The following ANKRD28 variants were observed in gnomAD, a reference collection of about 807,000 sequenced individuals.
ANKRD28 encodes serine/threonine-protein phosphatase 6 regulatory ankyrin repeat subunit A.
In ANKRD28, 44 loss-of-function variants were observed where a neutral mutation model predicts 126.5. The observed-to-expected ratio is 0.35, with a 90% CI of 0.27 to 0.45. The LOEUF is 0.45. Among genes scored for constraint, ANKRD28 ranks in the 20% least tolerant of loss-of-function variants. The pLI is 1.00. For synonymous variants in ANKRD28, 442 were observed against 468.5 expected (o/e 0.94, Z 0.73); for missense variants, 1,110 against 1,316.6 (o/e 0.84, Z 2.43).
intron 14 of ANKRD28, among the ~76,000 whole-genome samples, chr3:15,700,359 A>G (rs939865357): frequency 6.6e-6 from 1 of 152,102 alleles, no homozygotes; most frequent in Non-Finnish European, 1.5e-5. Context: ...AATGTAAATG[A>G]TGAGTTGATG....
At position 15,830,368 on chromosome 3, in the gene ANKRD28, G is replaced by A. The variant is rs1277427580; in HGVS notation, c.27+29009C>T. Among the ~76,000 whole-genome samples the A allele has an allele frequency of 6.6e-6, 1 of 152,120 alleles. No homozygotes were observed. The highest frequency in any genetic ancestry group is 1.5e-5 in the Non-Finnish European group (1 of 68,008). ...TTCATGGCCTGTCAGAAACTGGGCT[G>A]GATAGCAGGAGGTGAGCAGCGGGCA... is the stretch of plus-strand genomic sequence containing the variant. On this transcript the variant is annotated intron_variant, in intron 1 of 27. Transcript: ENST00000399451. The surrounding 1 kb of genome is among the most constrained non-coding windows in gnomAD (Gnocchi z 4.5).
intron 1 of ANKRD28, among the ~76,000 whole-genome samples, chr3:15,827,385 G>GA (rs971868069): frequency 2.0e-5 from 3 of 151,642 alleles, no homozygotes; most frequent in Non-Finnish European, 2.9e-5. Flanking sequence ...ATCAATAAAT[G>GA]AAAAAAAAGT....
chr3:15,798,211 ACGGC>A (rs2060364805), upstream of ANKRD28: 1 of 974,324 alleles, frequency 1.0e-6, no homozygotes, highest in African/African-American at 1.8e-5. Flanking sequence ...ACAATTCCAA[ACGGC>A]TTAACTGCTT....
rs1176430902 is a variant in ANKRD28, at chr3:15,814,652, CACAAACTTTTCAA to C, written c.28-19359_28-19347del. 6.6e-6 allele frequency among the ~76,000 whole-genome samples: 1 copy of C among 152,004 alleles called. No homozygotes were observed. The highest frequency in any genetic ancestry group is 1.5e-5 in the Non-Finnish European group (1 of 67,954). On this transcript the variant is annotated intron_variant, in intron 1 of 27. Coordinates refer to the ANKRD28 transcript ENST00000399451. This position sits in a 1 kb window ranked among gnomAD's most constrained non-coding sequence, Gnocchi z 4.7. Reference sequence around the variant, plus strand: ...AAACACACACACACACATATACACACACAAACTTTTCAAATGCATTCACTAATAATATATTCAG... The same window carrying C: ...AAACACACACACACACATATACACACATGCATTCACTAATAATATATTCAG...
Position 15,685,305 on chromosome 3 carries a change from C to T in ANKRD28, c.2310G>A (p.Gln770=), listed in dbSNP as rs2125758545. The change falls in exon 21 of 28, where the codon CAG becomes CAA. Residue 770 remains glutamine (Q), a synonymous_variant. Coordinates refer to ENST00000683139, the MANE Select transcript of ANKRD28 (RefSeq NM_001349278.2). The part of the protein sequence containing the change: ...GHIGVLGALL[Q]SAASMDANPA... ...GATTTGCATCCATAGATGCTGCTGA[C>T]TGCAAAAGGGCTCCAAGAACACCAA... 4 of 1,613,996 alleles carry T rather than the reference C, an allele frequency of 2.5e-6. No individual in the cohort carries two copies. The highest frequency in any genetic ancestry group is 3.4e-6 in the Non-Finnish European group (4 of 1,179,874).
intron 1 of ANKRD28, among the ~76,000 whole-genome samples, chr3:15,850,199 A>AT (rs1168772628): frequency 0.063 from 3,607 of 57,614 alleles, 351 homozygotes; most frequent in East Asian, 0.38. Flanking sequence ...ATAAAAAAAA[A>AT]AAAAAATATA....
At chr3:15,857,259 C>T (rs1388271107) in intron 1 of ANKRD28, among the ~76,000 whole-genome samples, 1 of 152,118 alleles carries the variant, frequency 6.6e-6, no homozygotes, top group Non-Finnish European at 1.5e-5. Flanking sequence ...GTTCGTTCTC[C>T]CTGAGCCATT....
Position 15,713,598 on chromosome 3 carries a change from C to T in ANKRD28, c.1119G>A (p.Leu373=). The T allele has an allele frequency of 1.2e-6, 2 of 1,610,250 alleles. No homozygotes were observed. The highest frequency in any genetic ancestry group is 2.2e-5 in the East Asian group (1 of 44,680). ...CATGGCCATACCGTGCTGCTATGTG[C>T]AAAGGGGTATTTCCATTCTTATCCT... ...DCEDKNGNTP[L]HIAARYGHEL... is the part of the protein sequence containing the mutation. Residue 373 remains leucine, a synonymous_variant, in exon 10 of 28, where the codon TTG becomes TTA. Transcript: ENST00000683139.
chr3:15,773,749 CCA>C (rs1432230583), intron 2 of ANKRD28, among the ~76,000 whole-genome samples: 1 of 152,118 alleles, frequency 6.6e-6, no homozygotes, highest in Non-Finnish European at 1.5e-5. Flanking sequence ...TGCTAAAATG[CCA>C]GTTTTCCTCA....
rs1234311673 is a variant in ANKRD28 at position 15,712,149 on chromosome 3, G to C, written c.1264C>G (p.Leu422Val). Residue 422 changes from leucine to valine, a missense_variant, in exon 11 of 28, where the codon CTT (leucine) becomes GTT (valine). Transcript: ENST00000683139. ...CAAAGGTTACACTTACCTGAAGAAA[G>C]AAGTTTTCTGCAGCAATCTGAAAAG... ...SGFSDCCRKL[L>V]SSGFDIDTPD... is the part of the protein sequence containing the mutation. The C allele has an allele frequency of 1.3e-6, 2 of 1,575,742 alleles. No individual in the cohort carries two copies. Among genetic ancestry groups the C allele is most frequent in the Non-Finnish European group, 1.7e-6 (2 of 1,159,962 alleles).
chr3:15,777,287 A>G (rs1279013348), intron 2 of ANKRD28, among the ~76,000 whole-genome samples: 2 of 142,456 alleles, frequency 1.4e-5, no homozygotes, highest in African/African-American at 2.6e-5. Flanking sequence ...AAAAAAAAAA[A>G]AGAAAAAAAA....
At chr3:15,777,487 C>T (rs2059335322) in intron 2 of ANKRD28, among the ~76,000 whole-genome samples, 1 of 151,978 alleles carries the variant, frequency 6.6e-6, no homozygotes, top group Non-Finnish European at 1.5e-5. Flanking sequence ...AACCCCAAAC[C>T]CTCACTGTAC....
At chr3:15,675,277 AAAC>A (rs550059526) in intron 27 of ANKRD28, among the ~76,000 whole-genome samples, 19 of 152,090 alleles carry the variant, frequency 1.2e-4, no homozygotes, top group Non-Finnish European at 2.1e-4. Flanking sequence ...TCTCAAAAAC[AAAC>A]AACAACAACA....
At chr3:15,789,282 C>T (rs1354719049) in intron 2 of ANKRD28, among the ~76,000 whole-genome samples, 1 of 151,992 alleles carries the variant, frequency 6.6e-6, no homozygotes, top group African/African-American at 2.4e-5. Flanking sequence ...ATTCCTGCTC[C>T]AGGGGATGAA....
rs2060337865 is a variant in ANKRD28 at position 15,797,643 on chromosome 3, A to T, written c.-1122T>A. The T allele has an allele frequency of 1.0e-6, 1 of 985,240 alleles. No homozygotes were observed. 61.0% of individuals were successfully genotyped at this position (985,240 alleles called of 1,614,324 possible). ...TCCACATGAATACAGCTTCCATTAA[A>T]CAGTCTTCATTCAGAGAAAAAAATA... On this transcript the variant is annotated 5_prime_UTR_variant, in exon 1 of 28. An upstream open reading frame in the 5' UTR gains an earlier in-frame stop. Coordinates refer to ENST00000683139, the MANE Select transcript of ANKRD28 (RefSeq NM_001349278.2).
At chr3:15,810,497 CTA>C (rs1226775864) in intron 1 of ANKRD28, among the ~76,000 whole-genome samples, 3 of 147,416 alleles carry the variant, frequency 2.0e-5, no homozygotes, top group African/African-American at 8.1e-5. Context: ...CACAGTGAAA[CTA>C]TATCTAATAT....
Position 15,668,905 on chromosome 3 carries a change from T to C in ANKRD28, c.*1365A>G, listed in dbSNP as rs1223140294. 6.6e-6 allele frequency: 1 copy of C among 152,670 alleles called. No individual in the cohort carries two copies. The highest frequency in any genetic ancestry group is 6.5e-5 in the Admixed American group (1 of 15,276). 9.5% of individuals were successfully genotyped at this position (152,670 alleles called of 1,614,324 possible). On this transcript the variant is annotated 3_prime_UTR_variant, in exon 28 of 28. Coordinates refer to ENST00000683139, the MANE Select transcript of ANKRD28 (RefSeq NM_001349278.2). The stretch of plus-strand genomic sequence containing the variant: ...GTTGCAATTTATAGAACTTTACCCA[T>C]ACCTGTAAGACCCTCAATGTATATG...
At chr3:15,672,739 T>C (rs886998845) in intron 27 of ANKRD28, among the ~76,000 whole-genome samples, 2 of 152,130 alleles carry the variant, frequency 1.3e-5, no homozygotes, top group Non-Finnish European at 2.9e-5. Flanking sequence ...GTGTGTTTTC[T>C]AGTCAGAATA....
intron 2 of ANKRD28, among the ~76,000 whole-genome samples, chr3:15,772,328 A>C (rs1575618039): frequency 1.3e-5 from 2 of 152,206 alleles, no homozygotes; most frequent in East Asian, 1.9e-4. Flanking sequence ...AATAGTCTGT[A>C]TCATAACTAA....
Sources: gnomAD v4.1 joint callset for allele counts (sites outside exome capture counted in the v4.1 genomes callset) on GRCh38, gnomAD v4.1.1 for gene constraint, Gnocchi (gnomAD v3.1) non-coding constraint, MANE v1.5 for transcripts, NCBI Gene and HGNC (gene_info 2026-07-23, HGNC 2026-07-21) for gene names.